The following NF1 variants were observed in gnomAD, a reference collection of about 807,000 sequenced individuals.
The protein encoded by NF1 is neurofibromin.
NF1 carries 122 observed loss-of-function variants against 325.7 expected under a neutral mutation model. The ratio of observed to expected loss-of-function variants is 0.37; its 90% CI spans 0.32 to 0.44. The LOEUF is 0.44. NF1 is among the 20% of genes least tolerant of loss of function. The pLI, the probability that NF1 is intolerant of heterozygous loss-of-function variation, is 1.00. For synonymous variants in NF1, 1,091 were observed against 1,186.0 expected, an observed-to-expected ratio of 0.92 and a Z score of 1.65; for missense variants, 2,140 against 3,415.4, an observed-to-expected ratio of 0.63 and a Z score of 9.31.
In NF1 at chr17:31,110,476, A is replaced by ATC. The variant is rs553750727; in HGVS notation, c.60+15108_60+15109dup. Among the ~76,000 whole-genome samples the ATC allele has an allele frequency of 4.3e-4, 65 of 152,272 alleles. 1 individual carries two copies. In the South Asian group the frequency reaches 0.013, roughly 30 times the overall value. ...TGGACTGAGGTGATCAGCCTATCTT[A>ATC]TCCCTTTTGCCTAATAGAGGAAATA... On this transcript the variant is annotated intron_variant, in intron 1 of 57. Coordinates refer to ENST00000358273, the MANE Select transcript of NF1 (RefSeq NM_001042492.3).
At position 31,221,944 on chromosome 17, in the gene NF1, ATTT is replaced by A. The variant is rs762735676; in HGVS notation, c.1721+19_1721+21del. 7.1e-5 allele frequency: 112 copies of A among 1,578,252 alleles called. No individual in the cohort carries two copies. In the East Asian group the frequency reaches 2.5e-3, roughly 35 times the overall value. On this transcript the variant is annotated intron_variant, in intron 15 of 57. Transcript: ENST00000358273. ...TGGGAGATTAGGTATATGTACTTTT[ATTT>A]TTTAAATTCAACTTTTAAATTTTAT...
rs755137259 is a variant in NF1 at position 31,265,338 on chromosome 17, A to C, written c.4834A>C (p.Arg1612=). The C allele has an allele frequency of 2.5e-6, 4 of 1,604,190 alleles. No individual in the cohort carries two copies. Among genetic ancestry groups the C allele is most frequent in the African/African-American group, 1.3e-5 (1 of 74,792 alleles). The change falls in exon 36 of 58, where the codon AGG becomes CGG. Residue 1612 remains arginine (R), a splice_region_variant and synonymous_variant. Transcript: ENST00000358273. Reference sequence around the variant, plus strand: ...TCCTATTTTTTATTATGTTGCACGGAGGTAAGAAATACTATGTTTTGGGTC... The same window carrying C: ...TCCTATTTTTTATTATGTTGCACGGCGGTAAGAAATACTATGTTTTGGGTC... ...GNPIFYYVAR[R]FKTGQINGDL... is the part of the protein sequence containing the mutation.
intron 33 of NF1, among the ~76,000 whole-genome samples, chr17:31,259,521 A>T (rs1273355835): frequency 6.6e-6 from 1 of 152,170 alleles, no homozygotes; most frequent in African/African-American, 2.4e-5. Flanking sequence ...TGTGATACTT[A>T]AATTTGGAAG....
chr17:31,270,279 G>A (rs1345963400), intron 36 of NF1, among the ~76,000 whole-genome samples: 1 of 152,194 alleles, frequency 6.6e-6, no homozygotes, highest in Non-Finnish European at 1.5e-5. Flanking sequence ...CTTGCCAGGA[G>A]CATATATTGT....
intron 1 of NF1, among the ~76,000 whole-genome samples, chr17:31,112,305 C>T (rs1464458595): frequency 6.6e-6 from 1 of 152,096 alleles, no homozygotes; most frequent in African/African-American, 2.4e-5. Flanking sequence ...ATGGGTGGAT[C>T]ATATGGTGGA....
intron 4 of NF1, among the ~76,000 whole-genome samples, chr17:31,165,821 C>T (rs970143931): frequency 1.3e-5 from 2 of 152,066 alleles, no homozygotes; most frequent in Non-Finnish European, 2.9e-5. Flanking sequence ...TCTTGAGTAG[C>T]TGGGACTACA....
chr17:31,352,199 C>T (rs1406505772), intron 50 of NF1, 58 bp from the exon 51 acceptor site: 31 of 1,541,808 alleles, frequency 2.0e-5, no homozygotes, highest in Non-Finnish European at 2.3e-5. Flanking sequence ...AAGGAGCAAA[C>T]GATGGTTGTA....
At chr17:31,313,249 T>C (rs2068927899) in intron 36 of NF1, among the ~76,000 whole-genome samples, 1 of 152,224 alleles carries the variant, frequency 6.6e-6, no homozygotes, top group African/African-American at 2.4e-5. Flanking sequence ...CATTATATTA[T>C]GTACAGGAAA....
At chr17:31,107,603 T>A (rs902150942) in intron 1 of NF1, among the ~76,000 whole-genome samples, 8 of 151,662 alleles carry the variant, frequency 5.3e-5, no homozygotes, top group Non-Finnish European at 1.0e-4. Context: ...ATAAATAAAA[T>A]AAATACATAA....
At chr17:31,258,289 C>T (rs2151461528) in intron 31 of NF1, 55 bp from the exon 32 acceptor site, 1 of 1,597,506 alleles carries the variant, frequency 6.3e-7, no homozygotes, top group Non-Finnish European at 8.6e-7. Context: ...TCTTTGTTTT[C>T]ATGTCTTTAT....
chr17:31,181,389 A>G (rs2066129901), intron 5 of NF1, 33 bp from the exon 6 acceptor site: 2 of 1,567,214 alleles, frequency 1.3e-6, no homozygotes, highest in Non-Finnish European at 1.8e-6. Context: ...AACTTATTCT[A>G]GAGTTAATTT....
At position 31,304,549 on chromosome 17, in the gene NF1, T is replaced by C. The variant is rs772942383; in HGVS notation, c.4836-21271T>C. 6 of 1,614,178 alleles carry C rather than the reference T, an allele frequency of 3.7e-6. No individual in the cohort carries two copies. The Admixed American group carries it at 8.3e-5, about 22-fold the overall frequency. On this transcript the variant is annotated intron_variant, in intron 36 of 57. Coordinates refer to ENST00000358273, the MANE Select transcript of NF1 (RefSeq NM_001042492.3). The stretch of plus-strand genomic sequence containing the variant: ...AATTGTCATTGTGGGTTTGTCAGAT[T>C]GGTTACTTTCCTGTCCTTCCAAATC...
chr17:31,335,802 C>T (rs532176076), intron 40 of NF1, among the ~76,000 whole-genome samples: 54 of 151,816 alleles, frequency 3.6e-4, no homozygotes, highest in African/African-American at 1.3e-3. Context: ...CCTCAGCCTC[C>T]CAAGTAGCTG....
rs1567826603 is a variant in NF1, at chr17:31,182,509, A to C, written c.732A>C (p.Glu244Asp). ...TCATTTAATATATTTTTCATGCAGA[A>C]TGTGCAGAAAAGCTATTTGACTTGG... ...LYQIPQTDMA[E>D]CAEKLFDLVD... Residue 244 changes from glutamate to aspartate, a missense_variant and splice_region_variant, in exon 8 of 58, where the codon GAA (glutamate) becomes GAC (aspartate). By Grantham distance (45) the Glu-to-Asp change is conservative (BLOSUM62 2). Coordinates refer to ENST00000358273, the MANE Select transcript of NF1 (RefSeq NM_001042492.3). The C allele has an allele frequency of 2.5e-6, 4 of 1,613,854 alleles. No homozygotes were observed. Among genetic ancestry groups the C allele is most frequent in the Non-Finnish European group, 3.4e-6 (4 of 1,179,872 alleles).
chr17:31,241,678 T>A (rs2151443499), intron 29 of NF1, among the ~76,000 whole-genome samples: 1 of 152,366 alleles, frequency 6.6e-6, no homozygotes, highest in East Asian at 1.9e-4. Flanking sequence ...CCCTACTTTT[T>A]AACTTTTTGT....
At chr17:31,106,461 A>G (rs1276755945) in intron 1 of NF1, among the ~76,000 whole-genome samples, 1 of 152,228 alleles carries the variant, frequency 6.6e-6, no homozygotes, top group Non-Finnish European at 1.5e-5. Context: ...TGATTATATA[A>G]TTAACTGAGT....
At chr17:31,369,473 C>T (rs2070591920) in intron 57 of NF1, among the ~76,000 whole-genome samples, 1 of 152,158 alleles carries the variant, frequency 6.6e-6, no homozygotes, top group Non-Finnish European at 1.5e-5. Flanking sequence ...CATGTTTGAC[C>T]ACAGCATATC....
At position 31,340,491 on chromosome 17, in the gene NF1, A is replaced by G. The variant is rs777111070; in HGVS notation, c.6922-14A>G. ...GATTCATCTTACTAGCCTCAAACATATCTTCTTTGCCAGGACTCGCCTCTG... is the reference window on the plus strand; with the variant it reads ...GATTCATCTTACTAGCCTCAAACATGTCTTCTTTGCCAGGACTCGCCTCTG... On this transcript the variant is annotated splice_polypyrimidine_tract_variant and intron_variant, in intron 46 of 57. Transcript: ENST00000358273. The G allele has an allele frequency of 1.2e-6, 2 of 1,613,512 alleles. No homozygotes were observed. The highest frequency in any genetic ancestry group is 2.2e-5 in the South Asian group (2 of 91,080).
At position 31,260,856 on chromosome 17, in the gene NF1, C is replaced by T. The variant is rs17881588; in HGVS notation, c.4577+341C>T. On this transcript the variant is annotated intron_variant, in intron 34 of 57. Coordinates refer to ENST00000358273, the MANE Select transcript of NF1 (RefSeq NM_001042492.3). The stretch of plus-strand genomic sequence containing the variant: ...ATTTGACTCTGAAGAACAGCCAATT[C>T]GTAGGAATTCAGTAATTAAAATATT... Among the ~76,000 whole-genome samples the T allele has an allele frequency of 7.1e-3, 1,080 of 152,070 alleles. 11 individuals carry two copies. The highest frequency in any genetic ancestry group is 0.024 in the Middle Eastern group (7 of 294).
Sources: allele counts gnomAD v4.1 joint callset (sites outside exome capture counted in the v4.1 genomes callset), GRCh38; gene constraint gnomAD v4.1.1; transcripts MANE v1.5; gene names NCBI Gene and HGNC (gene_info 2026-07-23, HGNC 2026-07-21).